Variants in SLC24A5 observed in about 807,000 individuals in gnomAD.
The protein encoded by SLC24A5 is solute carrier family 24 member 5.
A neutral mutation model predicts 51.6 loss-of-function variants in SLC24A5; 46 were observed. That is an observed-to-expected ratio of 0.89 (90% confidence interval 0.70 to 1.14). The LOEUF is 1.14. Ranked by LOEUF, SLC24A5 falls within the 50% of genes most tolerant of loss-of-function variation. The pLI, the probability that SLC24A5 is intolerant of heterozygous loss-of-function variation, is 0.00. For synonymous variants in SLC24A5, 230 were observed against 214.9 expected (o/e 1.07, Z -0.62); for missense variants, 581 against 604.1 (o/e 0.96, Z 0.40).
rs2038848631 is a variant in SLC24A5 at position 48,134,520 on chromosome 15, T to A, written c.471T>A (p.Cys157Ter). ...IYNLLGICAA[C>*]GLLSNTVSTL... ...ATCTCCTTGGCATCTGTGCTGCCTG[T>A]GGTTTGCTATCTAATACGGTATGTA... Residue 157 changes from cysteine (C) to a stop codon, truncating the protein, a stop_gained, in exon 4 of 9, where the codon TGT becomes TGA. Coordinates refer to ENST00000341459, the MANE Select transcript of SLC24A5 (RefSeq NM_205850.3). LOFTEE classifies it high-confidence loss of function. 3 of 1,613,000 alleles carry A rather than the reference T, an allele frequency of 1.9e-6. No individual in the cohort carries two copies. The highest frequency in any genetic ancestry group is 2.5e-6 in the Non-Finnish European group (3 of 1,179,082).
intron 6 of SLC24A5, chr15:48,137,516 T>G (rs377113351): frequency 1.6e-4 from 25 of 152,294 alleles, no homozygotes; most frequent in African/African-American, 6.0e-4. Context: ...CTTAGTAATG[T>G]TACCCAAAAT....
intron 2 of SLC24A5, among the ~76,000 whole-genome samples, chr15:48,126,200 C>T (rs2038729395): frequency 6.6e-6 from 1 of 152,174 alleles, no homozygotes; most frequent in Non-Finnish European, 1.5e-5. Flanking sequence ...AAAAGTCACA[C>T]ACCCTCTCCT....
chr15:48,134,698 A>G, intron 4 of SLC24A5, 160 bp downstream of exon 4: 1 of 720,220 alleles, frequency 1.4e-6, no homozygotes, highest in Non-Finnish European at 2.3e-6. Context: ...TAATCCACAA[A>G]TAGCTCTTGG....
At chr15:48,134,637 G>GCAAT in intron 4 of SLC24A5, 99 bp downstream of exon 4, 1 of 874,502 alleles carries the variant, frequency 1.1e-6, no homozygotes, top group East Asian at 2.5e-5. Context: ...AATAATATGT[G>GCAAT]CAATCAAATT....
chr15:48,127,314 T>C (rs1047698769), intron 2 of SLC24A5, among the ~76,000 whole-genome samples: 1 of 152,144 alleles, frequency 6.6e-6, no homozygotes, highest in Non-Finnish European at 1.5e-5. Flanking sequence ...TCAGGAAAGA[T>C]GAAAGTGGAG....
intron 5 of SLC24A5, chr15:48,135,727 A>G (rs2140735004): frequency 6.6e-6 from 1 of 152,198 alleles, no homozygotes; most frequent in East Asian, 1.9e-4. Flanking sequence ...AAAAAATGTA[A>G]TGGTGTCCAT....
intron 2 of SLC24A5, among the ~76,000 whole-genome samples, chr15:48,126,778 T>C (rs1452091082): frequency 6.6e-6 from 1 of 152,226 alleles, no homozygotes; most frequent in African/African-American, 2.4e-5. Context: ...CTTTGTCGTC[T>C]CTGATCATTC....
At chr15:48,132,120 C>T (rs562289678) in intron 2 of SLC24A5, among the ~76,000 whole-genome samples, 1 of 152,278 alleles carries the variant, frequency 6.6e-6, no homozygotes, top group Non-Finnish European at 1.5e-5. Context: ...TTTCCCTTGA[C>T]ACTCTTCATT....
intron 1 of SLC24A5, 77 bp from the exon 2 acceptor site, chr15:48,121,780 T>G: frequency 7.0e-7 from 1 of 1,438,406 alleles, no homozygotes. Context: ...ACTTACAGAT[T>G]TCTTAAGGAA....
At position 48,142,142 on chromosome 15, in the gene SLC24A5, G is replaced by A. The variant is rs767486171; in HGVS notation, c.1294G>A (p.Glu432Lys). The change falls in exon 9 of 9, where the codon GAA becomes AAA. Residue 432 changes from glutamate to lysine, a missense_variant. Coordinates refer to ENST00000341459, the MANE Select transcript of SLC24A5 (RefSeq NM_205850.3). The stretch of plus-strand genomic sequence containing the variant: ...ATTTATAAATGGATCAGCTCCTGCA[G>A]AAGTAAACAGCAGAGGACTAACTTA... ...TAFINGSAPAEVNSRGLTYIT... is the reference protein window; with the variant it reads ...TAFINGSAPAKVNSRGLTYIT... 8 of 1,613,752 alleles carry A rather than the reference G, an allele frequency of 5.0e-6. No individual in the cohort carries two copies. In the Admixed American group the frequency reaches 1.0e-4, roughly 20 times the overall value.
chr15:48,126,136 C>A (rs1368237872), intron 2 of SLC24A5, among the ~76,000 whole-genome samples: 1 of 152,198 alleles, frequency 6.6e-6, no homozygotes, highest in African/African-American at 2.4e-5. Context: ...CTGCCTCCAC[C>A]AGAGGCTTCC....
chr15:48,141,311 G>T, intron 8 of SLC24A5, 97 bp downstream of exon 8: 1 of 972,558 alleles, frequency 1.0e-6, no homozygotes, highest in Non-Finnish European at 1.5e-6. Context: ...GGGTGTGGTG[G>T]CTCGCGCCTG....
At chr15:48,141,956 C>A in intron 8 of SLC24A5, 73 bp from the exon 9 acceptor site, 1 of 1,142,496 alleles carries the variant, frequency 8.8e-7, no homozygotes. Context: ...TCCAGTGTTT[C>A]TTTTCTTATG....
intron 2 of SLC24A5, chr15:48,122,614 A>G (rs1175475701): frequency 6.5e-6 from 1 of 153,456 alleles, no homozygotes; most frequent in Non-Finnish European, 1.4e-5. Context: ...AAAATCAGTT[A>G]TTAAAAATTA....
rs1367091688 is a variant in SLC24A5 at position 48,121,920 on chromosome 15, A to C, written c.185A>C (p.Gln62Pro). 1 of 1,614,056 alleles carries C rather than the reference A, an allele frequency of 6.2e-7. No individual in the cohort carries two copies. Among genetic ancestry groups the C allele is most frequent in the Non-Finnish European group, 8.5e-7 (1 of 1,180,016 alleles). ...TTTCCCGAAGGGTTTTTCACGAGACAGGAGCGCAGAGATGGAGGCATCATA... is the reference window on the plus strand; with the variant it reads ...TTTCCCGAAGGGTTTTTCACGAGACCGGAGCGCAGAGATGGAGGCATCATA... ...SEFPEGFFTR[Q>P]ERRDGGIIIY... Residue 62 changes from glutamine (Q) to proline (P), a missense_variant, in exon 2 of 9, where the codon CAG (glutamine) becomes CCG (proline). By Grantham distance (76) the Gln-to-Pro change is moderately conservative. Coordinates refer to ENST00000341459, the MANE Select transcript of SLC24A5 (RefSeq NM_205850.3).
At chr15:48,123,147 G>A (rs2038696867) in intron 2 of SLC24A5, 1 of 151,380 alleles carries the variant, frequency 6.6e-6, no homozygotes, top group Non-Finnish European at 1.5e-5. Flanking sequence ...ACACCTATCT[G>A]TTTAATGAAA....
chr15:48,126,834 G>A (rs2140711660), intron 2 of SLC24A5, among the ~76,000 whole-genome samples: 1 of 152,320 alleles, frequency 6.6e-6, no homozygotes, highest in East Asian at 1.9e-4. Flanking sequence ...CCCTTGCTTA[G>A]TTTGTGAATT....
intron 2 of SLC24A5, among the ~76,000 whole-genome samples, chr15:48,125,197 TAC>T (rs2038718296): frequency 6.6e-6 from 1 of 151,572 alleles, no homozygotes; most frequent in Non-Finnish European, 1.5e-5. Context: ...CACAATGTAC[TAC>T]AGTGTTATTT....
At chr15:48,130,411 T>C (rs1454929687) in intron 2 of SLC24A5, among the ~76,000 whole-genome samples, 8 of 152,162 alleles carry the variant, frequency 5.3e-5, no homozygotes, top group Non-Finnish European at 1.2e-4. Context: ...CATCCATCTA[T>C]ACAAAATCTT....
Sources: allele counts gnomAD v4.1 joint callset (sites outside exome capture counted in the v4.1 genomes callset), GRCh38; gene constraint gnomAD v4.1.1; transcripts MANE v1.5; gene names NCBI Gene and HGNC (gene_info 2026-07-23, HGNC 2026-07-21).